Variants in THSD4 observed in about 807,000 individuals in gnomAD.
THSD4 encodes thrombospondin type-1 domain-containing protein 4.
A neutral mutation model predicts 119.0 loss-of-function variants in THSD4; 69 were observed. The ratio of observed to expected loss-of-function variants is 0.58; its 90% CI spans 0.48 to 0.71. The LOEUF (loss-of-function observed/expected upper bound fraction) is 0.71. THSD4 is among the 30% of genes least tolerant of loss of function. The pLI, the probability that THSD4 is intolerant of heterozygous loss-of-function variation, is 0.00. For missense variants in THSD4, 1,393 were observed against 1,391.1 expected, an observed-to-expected ratio of 1.00 and a Z score of -0.02; for synonymous variants, 524 against 540.4, an observed-to-expected ratio of 0.97 and a Z score of 0.42.
intron 3 of THSD4, among the ~76,000 whole-genome samples, chr15:71,193,903 G>A (rs931378556): frequency 3.9e-5 from 6 of 152,094 alleles, no homozygotes; most frequent in Admixed American, 3.9e-4. Flanking sequence ...AGTAGAGACG[G>A]GGTTTCACCG....
intron 6 of THSD4, among the ~76,000 whole-genome samples, chr15:71,345,650 A>G (rs1200236917): frequency 1.3e-5 from 2 of 152,072 alleles, no homozygotes; most frequent in Non-Finnish European, 2.9e-5. Context: ...CTCAGCTTTG[A>G]TGGGTGAATG....
At chr15:71,528,162 G>C (rs1265570868) in intron 7 of THSD4, among the ~76,000 whole-genome samples, 3 of 152,108 alleles carry the variant, frequency 2.0e-5, no homozygotes, top group Non-Finnish European at 4.4e-5. Context: ...AACCACAAAA[G>C]TTGAAAATGG....
chr15:71,189,180 G>C (rs1278156160), intron 3 of THSD4: 1 of 152,212 alleles, frequency 6.6e-6, no homozygotes, highest in African/African-American at 2.4e-5. Context: ...GAGAGGGTAG[G>C]AGAACTGCTG....
At chr15:71,336,544 A>G (rs1269473055) in intron 6 of THSD4, among the ~76,000 whole-genome samples, 1 of 152,344 alleles carries the variant, frequency 6.6e-6, no homozygotes, top group Non-Finnish European at 1.5e-5. Flanking sequence ...CATGAACTAT[A>G]TTCCACGTGG....
intron 7 of THSD4, among the ~76,000 whole-genome samples, chr15:71,415,297 C>A (rs1169362364): frequency 6.6e-6 from 1 of 152,252 alleles, no homozygotes; most frequent in Non-Finnish European, 1.5e-5. Flanking sequence ...GCCGCAGGCC[C>A]ACCCATTGCT....
At chr15:71,709,330 A>G (rs115486049) in intron 8 of THSD4, among the ~76,000 whole-genome samples, 2,467 of 152,290 alleles carry the variant, frequency 0.016, 74 homozygotes, top group African/African-American at 0.054. Flanking sequence ...GATGGGGGAA[A>G]AAAGGGTTTA....
intron 6 of THSD4, among the ~76,000 whole-genome samples, chr15:71,377,879 C>CACACACACACACACACAA (rs2046164686): frequency 6.4e-5 from 5 of 78,426 alleles, no homozygotes; most frequent in Non-Finnish European, 1.0e-4. Flanking sequence ...CACACACACA[C>CACACACACACACACACAA]ACACACACAC....
At chr15:71,750,052 C>T (rs534210600) in intron 14 of THSD4, among the ~76,000 whole-genome samples, 5 of 152,130 alleles carry the variant, frequency 3.3e-5, no homozygotes, top group African/African-American at 4.8e-5. Flanking sequence ...CTAATAGGTT[C>T]CCAGGGTCTC....
chr15:71,442,578 A>AT (rs1441034597), intron 7 of THSD4, among the ~76,000 whole-genome samples: 10 of 47,120 alleles, frequency 2.1e-4, no homozygotes, highest in African/African-American at 3.6e-4. Context: ...CAAAAAAAAA[A>AT]AATATATATA....
intron 7 of THSD4, among the ~76,000 whole-genome samples, chr15:71,634,573 C>A (rs144437100): frequency 1.3e-3 from 204 of 152,324 alleles, no homozygotes; most frequent in African/African-American, 4.6e-3. Flanking sequence ...GAGAAGGGAT[C>A]TTCCCCAGGG....
At chr15:71,586,336 A>G (rs2140860637) in intron 7 of THSD4, among the ~76,000 whole-genome samples, 1 of 152,320 alleles carries the variant, frequency 6.6e-6, no homozygotes, top group Middle Eastern at 3.4e-3. Context: ...TGGGCACAGC[A>G]TGACTAGGTT....
intron 7 of THSD4, among the ~76,000 whole-genome samples, chr15:71,506,480 G>A (rs2048190397): frequency 6.6e-6 from 1 of 152,188 alleles, no homozygotes; most frequent in Admixed American, 6.5e-5. Context: ...TACCCCGTAA[G>A]GCCCATGCCA....
chr15:71,512,459 T>C (rs1456923072), intron 7 of THSD4, among the ~76,000 whole-genome samples: 1 of 152,204 alleles, frequency 6.6e-6, no homozygotes, highest in African/African-American at 2.4e-5. Context: ...GTAAAACATA[T>C]ATAATGGACA....
At chr15:71,364,593 G>A (rs112712183) in intron 6 of THSD4, among the ~76,000 whole-genome samples, 1,901 of 152,316 alleles carry the variant, frequency 0.012, 18 homozygotes, top group Middle Eastern at 0.017. Flanking sequence ...GTTCAAGAGG[G>A]CTTCATAGAC....
At chr15:71,407,342 G>A (rs1441363) in intron 6 of THSD4, among the ~76,000 whole-genome samples, 3 of 151,910 alleles carry the variant, frequency 2.0e-5, no homozygotes, top group Non-Finnish European at 4.4e-5. Flanking sequence ...CAGCTTTCTT[G>A]GGTCGGCTAA....
intron 6 of THSD4, among the ~76,000 whole-genome samples, chr15:71,284,994 T>C (rs1388683674): frequency 6.6e-6 from 1 of 152,196 alleles, no homozygotes; most frequent in Non-Finnish European, 1.5e-5. Context: ...CTGTCTGCAT[T>C]GACTCGTTTC....
intron 7 of THSD4, among the ~76,000 whole-genome samples, chr15:71,464,092 A>C (rs1185473571): frequency 6.6e-6 from 1 of 152,160 alleles, no homozygotes; most frequent in African/African-American, 2.4e-5. Context: ...AGCCTTCTGC[A>C]TTAGGACCTC....
rs2045897397 is a variant in THSD4, at chr15:71,361,988, A to G, written c.1016-49699A>G. 2.0e-5 allele frequency among the ~76,000 whole-genome samples: 3 copies of G among 152,386 alleles called. No individual in the cohort carries two copies. In the South Asian group the frequency reaches 6.2e-4, roughly 32 times the overall value. On this transcript the variant is annotated intron_variant, in intron 6 of 17. Coordinates refer to ENST00000261862, the MANE Select transcript of THSD4 (RefSeq NM_024817.3). ...TAAGAAATTTATATTATTCAAAATA[A>G]TGAGTGGAACTGGGCGTGGTGGCTA...
At position 71,564,755 on chromosome 15, in the gene THSD4, CATATAAT is replaced by C. The variant is rs1567039300; in HGVS notation, c.1153-95773_1153-95767del. 4.8e-5 allele frequency among the ~76,000 whole-genome samples: 3 copies of C among 62,956 alleles called. 1 individual carries two copies. The highest frequency in any genetic ancestry group is 2.0e-4 in the African/African-American group (3 of 15,068). 41.3% of individuals were successfully genotyped at this position (62,956 alleles called of 152,430 possible). On this transcript the variant is annotated intron_variant, in intron 7 of 17. Coordinates refer to ENST00000261862, the MANE Select transcript of THSD4 (RefSeq NM_024817.3). ...ACATATAATACAATATATAGTATAA[CATATAAT>C]ACAATATATATTGTATATTATAACA...
Sources: gnomAD v4.1 joint callset for allele counts (sites outside exome capture counted in the v4.1 genomes callset) on GRCh38, gnomAD v4.1.1 for gene constraint, MANE v1.5 for transcripts, NCBI Gene and HGNC (gene_info 2026-07-23, HGNC 2026-07-21) for gene names.